The following DIP2B variants were observed in gnomAD, a reference collection of about 807,000 sequenced individuals.
DIP2B encodes the protein DIP2 acetate--CoA ligase B (putative).
DIP2B carries 76 observed loss-of-function variants against 198.0 expected under a neutral mutation model. The observed-to-expected ratio is 0.38, with a 90% CI of 0.32 to 0.46. DIP2B has a LOEUF of 0.46. Among genes scored for constraint, DIP2B ranks in the 20% least tolerant of loss-of-function variants. The pLI is 0.99. For missense variants in DIP2B, 1,559 were observed against 1,978.4 expected (o/e 0.79, Z 4.02); for synonymous variants, 701 against 739.1 (o/e 0.95, Z 0.84).
At chr12:50,546,975 T>C (rs544397502) in intron 1 of DIP2B, among the ~76,000 whole-genome samples, 1 of 152,342 alleles carries the variant, frequency 6.6e-6, no homozygotes, top group Non-Finnish European at 1.5e-5. Context: ...ATTTACTACT[T>C]TTCTGAAACT....
chr12:50,725,041 T>G (rs892272417), intron 28 of DIP2B, among the ~76,000 whole-genome samples, 155 bp downstream of exon 28: 12 of 152,208 alleles, frequency 7.9e-5, no homozygotes, highest in Admixed American at 7.2e-4. Context: ...TGTGCAGGAC[T>G]AGACACTGAC....
At chr12:50,685,805 A>AC in intron 10 of DIP2B, 28 bp from the exon 11 acceptor site, 4 of 1,608,138 alleles carry the variant, frequency 2.5e-6, no homozygotes, top group Non-Finnish European at 1.7e-6. Context: ...TCGCTCCCCT[A>AC]CCTATGTTCA....
chr12:50,586,264 A>G (rs964089276), intron 1 of DIP2B, among the ~76,000 whole-genome samples: 2 of 152,186 alleles, frequency 1.3e-5, no homozygotes, highest in African/African-American at 4.8e-5. Context: ...TTAAAAAGTG[A>G]TTTCAGCTAA....
chr12:50,671,406 C>G lies in DIP2B; in HGVS notation c.640+8C>G, dbSNP rs766566189. On this transcript the variant is annotated splice_region_variant and intron_variant, in intron 5 of 37. Transcript: ENST00000301180. ...TTGCCAATACTCGAATAGGTAGGAG[C>G]TGGATCTACCCAAGAAGCCCAAATT... The G allele has an allele frequency of 2.5e-6, 4 of 1,613,616 alleles. No individual in the cohort carries two copies. Among genetic ancestry groups the G allele is most frequent in the Admixed American group, 1.7e-5 (1 of 59,980 alleles).
chr12:50,713,255 AT>A (rs1392619931), intron 22 of DIP2B, among the ~76,000 whole-genome samples: 2 of 152,044 alleles, frequency 1.3e-5, no homozygotes, highest in Admixed American at 1.3e-4. Flanking sequence ...GCCTGGTTTT[AT>A]TTTCTGTAAG....
At chr12:50,514,461 C>T (rs888521213) in intron 1 of DIP2B, among the ~76,000 whole-genome samples, 1 of 152,272 alleles carries the variant, frequency 6.6e-6, no homozygotes, top group African/African-American at 2.4e-5. Context: ...ATCAGTTCCA[C>T]CCGTATCTCC....
intron 10 of DIP2B, among the ~76,000 whole-genome samples, chr12:50,684,440 T>C (rs777369996): frequency 1.3e-5 from 2 of 152,234 alleles, no homozygotes; most frequent in Non-Finnish European, 2.9e-5. Context: ...AATTTTGTCA[T>C]GCAGTTTATT....
At chr12:50,675,566 G>C in intron 7 of DIP2B, 118 bp downstream of exon 7, 1 of 999,408 alleles carries the variant, frequency 1.0e-6, no homozygotes, top group Non-Finnish European at 1.4e-6. Flanking sequence ...GGTTCAAAGA[G>C]TTCATCATTT....
Position 50,640,776 on chromosome 12 carries a change from T to A in DIP2B, c.225T>A (p.Ser75=). The change falls in exon 3 of 38, where the codon TCT becomes TCA. Residue 75 remains serine (S), a synonymous_variant. Coordinates refer to ENST00000301180, the MANE Select transcript of DIP2B (RefSeq NM_173602.3). ...TTAGAAACCAGACACCTGCTCCATC[T>A]GCAGCTCAAACTTCTGCTCCCTCTA... ...KELRNQTPAP[S]AAQTSAPSKY... The A allele has an allele frequency of 6.2e-7, 1 of 1,614,062 alleles. No individual in the cohort carries two copies. Among genetic ancestry groups the A allele is most frequent in the Non-Finnish European group, 8.5e-7 (1 of 1,179,922 alleles).
intron 1 of DIP2B, among the ~76,000 whole-genome samples, chr12:50,513,199 G>T (rs1463463634): frequency 6.6e-6 from 1 of 152,150 alleles, no homozygotes; most frequent in South Asian, 2.1e-4. Flanking sequence ...GTAGAATAAG[G>T]TTATATATGA....
chr12:50,607,949 A>G (rs1228220829), intron 1 of DIP2B, among the ~76,000 whole-genome samples: 2 of 151,978 alleles, frequency 1.3e-5, no homozygotes, highest in Admixed American at 6.6e-5. Flanking sequence ...GTGCGCCACT[A>G]CGCCCGGCTA....
At chr12:50,706,470 G>C (rs529048877) in intron 20 of DIP2B, 68 bp from the exon 21 acceptor site, 166 of 1,538,084 alleles carry the variant, frequency 1.1e-4, no homozygotes, top group Non-Finnish European at 7.1e-6. Context: ...TTAAAGGCAG[G>C]AAGTTAAAAG....
intron 1 of DIP2B, among the ~76,000 whole-genome samples, chr12:50,531,018 A>T (rs1958212117): frequency 6.6e-6 from 1 of 152,212 alleles, no homozygotes; most frequent in Admixed American, 6.5e-5. Flanking sequence ...TAGTGGAAGC[A>T]GTGGGCATGA....
chr12:50,686,310 C>T (rs1435147507), intron 11 of DIP2B, among the ~76,000 whole-genome samples: 1 of 152,180 alleles, frequency 6.6e-6, no homozygotes, highest in Admixed American at 6.5e-5. Flanking sequence ...AGACCACTAA[C>T]CTCAGTGGAC....
At chr12:50,715,239 A>G (rs1939692785) in intron 23 of DIP2B, among the ~76,000 whole-genome samples, 1 of 152,180 alleles carries the variant, frequency 6.6e-6, no homozygotes, top group African/African-American at 2.4e-5. Context: ...TAGATACGCT[A>G]CAGAACAAAT....
At chr12:50,569,905 A>G (rs1425206090) in intron 1 of DIP2B, among the ~76,000 whole-genome samples, 5 of 152,248 alleles carry the variant, frequency 3.3e-5, no homozygotes, top group South Asian at 2.1e-4. Context: ...TGTAAAACTA[A>G]TAAGTCTAAA....
chr12:50,663,921 C>A (rs1565863297), intron 4 of DIP2B, among the ~76,000 whole-genome samples: 1 of 148,248 alleles, frequency 6.7e-6, no homozygotes, highest in Non-Finnish European at 1.5e-5. Flanking sequence ...ACCACTCTTG[C>A]AGGGAAAAAT....
chr12:50,529,715 CG>C (rs1269896063), intron 1 of DIP2B, among the ~76,000 whole-genome samples: 3 of 151,904 alleles, frequency 2.0e-5, no homozygotes, highest in African/African-American at 7.3e-5. Context: ...AAAAAGTAGC[CG>C]GGTGTGGTGG....
rs1249248775 is a variant in DIP2B, at chr12:50,696,675, TATC to T, written c.1934-383_1934-381del. Among the ~76,000 whole-genome samples, 2 of 152,222 alleles carry T rather than the reference TATC, an allele frequency of 1.3e-5. 1 individual carries two copies. Among genetic ancestry groups the T allele is most frequent in the Admixed American group, 1.3e-4 (2 of 15,272 alleles). ...AACACAGACATGGGCTTGACCTTAATATCATATAGAAGGTGGAGCTAAGCCAAT... is the reference window on the plus strand; with the variant it reads ...AACACAGACATGGGCTTGACCTTAATATATAGAAGGTGGAGCTAAGCCAAT... On this transcript the variant is annotated intron_variant, in intron 16 of 37. Coordinates refer to ENST00000301180, the MANE Select transcript of DIP2B (RefSeq NM_173602.3).
Sources: allele counts gnomAD v4.1 joint callset (sites outside exome capture counted in the v4.1 genomes callset), GRCh38; gene constraint gnomAD v4.1.1; transcripts MANE v1.5; gene names NCBI Gene and HGNC (gene_info 2026-07-23, HGNC 2026-07-21).